Variants in C3orf20 observed in about 807,000 individuals in gnomAD.
C3orf20 encodes uncharacterized protein C3orf20.
Under a neutral mutation model 88.3 loss-of-function variants are expected in C3orf20, and 76 were observed. The ratio of observed to expected loss-of-function variants is 0.86; its 90% CI spans 0.72 to 1.04. C3orf20 has a LOEUF of 1.04. C3orf20 is among the 50% of genes least tolerant of loss of function. The pLI, the probability that C3orf20 is intolerant of heterozygous loss-of-function variation, is 0.00. For missense variants in C3orf20, 1,056 were observed against 1,123.3 expected, an observed-to-expected ratio of 0.94 and a Z score of 0.86; for synonymous variants, 436 against 437.4, an observed-to-expected ratio of 1.00 and a Z score of 0.04.
At chr3:14,677,413 A>G (rs567555691) in intron 1 of C3orf20, among the ~76,000 whole-genome samples, 1 of 152,142 alleles carries the variant, frequency 6.6e-6, no homozygotes, top group African/African-American at 2.4e-5. Flanking sequence ...CTGCTTTTGC[A>G]CCATCATGTA....
intron 7 of C3orf20, among the ~76,000 whole-genome samples, chr3:14,709,296 T>C (rs2033648035): frequency 6.6e-6 from 1 of 152,218 alleles, no homozygotes; most frequent in Non-Finnish European, 1.5e-5. Context: ...TATAAAATCA[T>C]GTCATCTGCC....
chr3:14,703,591 C>T (rs2033371440), intron 6 of C3orf20, among the ~76,000 whole-genome samples: 1 of 152,234 alleles, frequency 6.6e-6, no homozygotes, highest in African/African-American at 2.4e-5. Context: ...CCTGAGCTCA[C>T]ACAGCTCCAG....
chr3:14,724,728 T>TA (rs773501652), intron 10 of C3orf20, among the ~76,000 whole-genome samples: 5 of 152,246 alleles, frequency 3.3e-5, no homozygotes, highest in Admixed American at 6.5e-5. Context: ...ATAATTAGAA[T>TA]TAATTTTCCC....
intron 5 of C3orf20, among the ~76,000 whole-genome samples, chr3:14,695,802 A>G (rs2032968210): frequency 6.6e-6 from 1 of 151,486 alleles, no homozygotes; most frequent in Admixed American, 6.6e-5. Flanking sequence ...AAGTATAGCT[A>G]CTCCTGCTCT....
intron 5 of C3orf20, among the ~76,000 whole-genome samples, chr3:14,696,423 G>A (rs1399973321): frequency 6.8e-5 from 10 of 147,370 alleles, no homozygotes; most frequent in Admixed American, 5.4e-4. Context: ...ACGGAGTCAC[G>A]CTCTGTCACT....
intron 1 of C3orf20, among the ~76,000 whole-genome samples, chr3:14,679,847 AAC>A (rs1177397126): frequency 6.6e-6 from 1 of 152,214 alleles, no homozygotes; most frequent in Non-Finnish European, 1.5e-5. Context: ...TGCTTTTTAA[AAC>A]AGTTTTTAGG....
intron 12 of C3orf20, among the ~76,000 whole-genome samples, chr3:14,744,240 A>T (rs1000222197): frequency 7.2e-5 from 11 of 151,994 alleles, no homozygotes; most frequent in Non-Finnish European, 1.2e-4. Flanking sequence ...TCAAGTTCAA[A>T]GTTCCACAAA....
At position 14,757,648 on chromosome 3, in the gene C3orf20, C is replaced by A; in HGVS notation, c.2218C>A (p.Arg740=). The change falls in exon 13 of 17, where the codon CGG becomes AGG. Residue 740 remains arginine (R), a synonymous_variant. Coordinates refer to ENST00000253697, the MANE Select transcript of C3orf20 (RefSeq NM_032137.5). ...GAACACTCTCTACAACCACCAGCAG[C>A]GGGGCCGTGGCTCCCCCTGCATCCA... ...LLNTLYNHQQ[R]GRGSPCIQCR... The A allele has an allele frequency of 6.2e-7, 1 of 1,610,668 alleles. No homozygotes were observed. The highest frequency in any genetic ancestry group is 8.5e-7 in the Non-Finnish European group (1 of 1,177,492).
chr3:14,698,850 C>G (rs2033124818), intron 5 of C3orf20, among the ~76,000 whole-genome samples: 1 of 152,214 alleles, frequency 6.6e-6, no homozygotes, highest in African/African-American at 2.4e-5. Flanking sequence ...TTCTGTTCTT[C>G]CCTTTAGGGC....
chr3:14,721,231 C>T (rs1193313247), intron 9 of C3orf20, among the ~76,000 whole-genome samples: 3 of 152,230 alleles, frequency 2.0e-5, no homozygotes, highest in Non-Finnish European at 4.4e-5. Context: ...AAGTGGTCAC[C>T]TTCCTACCAC....
At chr3:14,728,203 G>A (rs1464729426) in intron 11 of C3orf20, among the ~76,000 whole-genome samples, 2 of 152,208 alleles carry the variant, frequency 1.3e-5, no homozygotes, top group East Asian at 1.9e-4. Context: ...TGAAGAATGA[G>A]TACGAAAGGA....
chr3:14,738,553 G>C (rs546601274), intron 12 of C3orf20, among the ~76,000 whole-genome samples: 6 of 149,376 alleles, frequency 4.0e-5, no homozygotes, highest in Admixed American at 4.0e-4. Context: ...GGATGGTCTC[G>C]ATCTCCTGAC....
At chr3:14,720,533 GGTTGTTGTTGTTGTTGTT>G (rs199995038) in intron 9 of C3orf20, among the ~76,000 whole-genome samples, 87 of 149,244 alleles carry the variant, frequency 5.8e-4, no homozygotes, top group Admixed American at 8.7e-4. Flanking sequence ...AGCAGAGAGT[GGTTGTTGTTGTTGTTGTT>G]GTTGTTGTTG....
chr3:14,732,871 T>TTATATTAACTATACCTTATATA (rs149886910), intron 12 of C3orf20, among the ~76,000 whole-genome samples: 57,527 of 151,878 alleles, frequency 0.38, 11,149 homozygotes, highest in Middle Eastern at 0.46. Context: ...GAGTTAATTT[T>TTATATTAACTATACCTTATATA]TATATAAGGT....
At chr3:14,688,068 A>G (rs1260316885) in intron 4 of C3orf20, among the ~76,000 whole-genome samples, 1 of 152,200 alleles carries the variant, frequency 6.6e-6, no homozygotes, top group Non-Finnish European at 1.5e-5. Flanking sequence ...TTTATTTTGG[A>G]AAAACACTCA....
intron 12 of C3orf20, among the ~76,000 whole-genome samples, chr3:14,744,846 C>G (rs548499920): frequency 1.3e-5 from 2 of 152,196 alleles, no homozygotes; most frequent in Non-Finnish European, 2.9e-5. Flanking sequence ...CACTGGGTCC[C>G]TCCCACAACA....
chr3:14,704,478 T>A lies in C3orf20; in HGVS notation c.1020T>A (p.Thr340=). The change falls in exon 7 of 17, where the codon ACT becomes ACA. Residue 340 remains threonine (T), a synonymous_variant. Transcript: ENST00000253697. ...CCCCGGGTTTACATTACCCTCCCAC[T>A]GCAGGTGCTCAGACTCTCAGCCCCA... ...SQTPGLHYPP[T]AGAQTLSPTS... The A allele has an allele frequency of 6.2e-7, 1 of 1,614,160 alleles. No homozygotes were observed. The highest frequency in any genetic ancestry group is 2.2e-5 in the East Asian group (1 of 44,884).
At chr3:14,689,557 G>A (rs1159707487) in intron 4 of C3orf20, among the ~76,000 whole-genome samples, 1 of 152,128 alleles carries the variant, frequency 6.6e-6, no homozygotes, top group African/African-American at 2.4e-5. Flanking sequence ...TATAAAAGAT[G>A]GTGTGATTCT....
intron 12 of C3orf20, among the ~76,000 whole-genome samples, chr3:14,743,914 C>G (rs756810279): frequency 1.4e-4 from 21 of 152,030 alleles, no homozygotes; most frequent in Non-Finnish European, 2.9e-4. Flanking sequence ...CACGAAACCA[C>G]TTTTTCCTCC....
Sources: allele counts gnomAD v4.1 joint callset (sites outside exome capture counted in the v4.1 genomes callset), GRCh38; gene constraint gnomAD v4.1.1; transcripts MANE v1.5; gene names NCBI Gene and HGNC (gene_info 2026-07-23, HGNC 2026-07-21).